SLC11A2: variants seen among roughly 807,000 people sequenced by gnomAD.
SLC11A2 encodes natural resistance-associated macrophage protein 2.
A neutral mutation model predicts 68.0 loss-of-function variants in SLC11A2; 38 were observed. The ratio of observed to expected loss-of-function variants is 0.56; its 90% CI spans 0.43 to 0.73. The LOEUF (loss-of-function observed/expected upper bound fraction) is 0.73, where lower values mean the gene tolerates loss of function less well. Ranked by LOEUF, SLC11A2 falls within the 30% of genes least tolerant of loss-of-function variation. The probability of loss-of-function intolerance (pLI) is 0.00; values close to 1 mark genes in which losing one functional copy is unlikely to be tolerated. For missense variants in SLC11A2, 517 were observed against 690.5 expected (o/e 0.75, Z 2.82); for synonymous variants, 242 against 250.6 (o/e 0.97, Z 0.32).
At position 50,992,713 on chromosome 12, in the gene SLC11A2, C is replaced by T. The variant is rs111707738; in HGVS notation, c.1197+97G>A. On this transcript the variant is annotated intron_variant, in intron 12 of 15. Transcript: ENST00000262052. Reference sequence around the variant, plus strand: ...TGCCATTACACTCCAACTTGGGCGACGAGTGAGACTCCATCTCAAAAAAAA... The same window carrying T: ...TGCCATTACACTCCAACTTGGGCGATGAGTGAGACTCCATCTCAAAAAAAA... The T allele has an allele frequency of 1.4e-3, 1,809 of 1,326,110 alleles. 19 individuals carry two copies. The African/African-American group carries it at 0.023, about 17-fold the overall frequency. The allele number at this position is 1,326,110 out of a possible 1,614,324, so 82.1% of individuals were successfully genotyped here. A position where few individuals can be genotyped will look rare whatever the true frequency, so the allele number is the denominator to read the frequency against.
At chr12:51,025,857 G>C in intron 1 of SLC11A2, 4 of 988,460 alleles carry the variant, frequency 4.0e-6, no homozygotes, top group Non-Finnish European at 4.8e-6. Flanking sequence ...TTTTGTTGAA[G>C]CGGGGCGGCG....
chr12:50,970,615 C>T, the SLC11A2 span: 2 of 667,882 alleles, frequency 3.0e-6, no homozygotes, highest in East Asian at 5.5e-5. Context: ...TCACAGAATG[C>T]TCATAGCCTT....
At chr12:51,017,012 C>CA (rs990581745) in intron 1 of SLC11A2, among the ~76,000 whole-genome samples, 55 of 148,834 alleles carry the variant, frequency 3.7e-4, no homozygotes, top group African/African-American at 1.2e-3. Flanking sequence ...GACCCTGTCT[C>CA]AAAAAAAAAG....
In SLC11A2 at chr12:50,991,591, A is replaced by C; in HGVS notation, c.1421+8T>G. 1 of 1,611,886 alleles carries C rather than the reference A, an allele frequency of 6.2e-7. No homozygotes were observed. The highest frequency in any genetic ancestry group is 8.5e-7 in the Non-Finnish European group (1 of 1,178,188). ...ATCCCCTTTGGGAACGAAGAGGAGT[A>C]CACTCACAGTCCATTGGCAAAGTCA... On this transcript the variant is annotated splice_region_variant and intron_variant, in intron 14 of 15. Coordinates refer to ENST00000262052, the MANE Select transcript of SLC11A2 (RefSeq NM_000617.3).
upstream of SLC11A2, chr12:51,028,070 A>G (rs868157481): frequency 1.6e-6 from 1 of 619,678 alleles, no homozygotes; most frequent in Middle Eastern, 3.7e-4. Flanking sequence ...CCAGATCGGA[A>G]CCTTTCCTTT....
chr12:50,985,179 T>C (rs908001286), downstream of SLC11A2, among the ~76,000 whole-genome samples: 1 of 152,114 alleles, frequency 6.6e-6, no homozygotes, highest in Non-Finnish European at 1.5e-5. Flanking sequence ...GCTGACAGAT[T>C]TAGATTCATT....
chr12:50,972,679 G>A, the SLC11A2 span, among the ~76,000 whole-genome samples: 103 of 152,370 alleles, frequency 6.8e-4, no homozygotes, highest in Non-Finnish European at 8.8e-4. Context: ...AGCATGAGCC[G>A]AAGCAGGGCG....
chr12:50,987,079 T>C lies in SLC11A2; in HGVS notation c.*1246A>G. Reference sequence around the variant, plus strand: ...ATCTCAGGCTCGGTATGTAAAAATGTCAGAAGTGGCTGAAGTAAAAGCAGC... The same window carrying C: ...ATCTCAGGCTCGGTATGTAAAAATGCCAGAAGTGGCTGAAGTAAAAGCAGC... On this transcript the variant is annotated 3_prime_UTR_variant, in exon 16 of 16. Transcript: ENST00000262052. 1.6e-6 allele frequency: 2 copies of C among 1,286,544 alleles called. No homozygotes were observed. The highest frequency in any genetic ancestry group is 2.0e-6 in the Non-Finnish European group (2 of 988,434). 79.7% of individuals were successfully genotyped at this position (1,286,544 alleles called of 1,614,324 possible).
chr12:50,992,938 G>A lies in SLC11A2; in HGVS notation c.1078-9C>T, dbSNP rs746410754. 6 of 1,613,724 alleles carry A rather than the reference G, an allele frequency of 3.7e-6. No homozygotes were observed. Among genetic ancestry groups the A allele is most frequent in the Non-Finnish European group, 5.1e-6 (6 of 1,179,918 alleles). ...CATCCCAGCACAACACCCTGTGAGA[G>A]GCCAAGAGGAAGGATATGATTGTGG... On this transcript the variant is annotated splice_polypyrimidine_tract_variant and intron_variant, in intron 11 of 15. Transcript: ENST00000262052.
In SLC11A2 at chr12:51,000,375, G is replaced by A. The variant is rs556588486; in HGVS notation, c.474C>T (p.Ile158=). 9.3e-6 allele frequency: 15 copies of A among 1,614,114 alleles called. No homozygotes were observed. The highest frequency in any genetic ancestry group is 4.4e-5 in the South Asian group (4 of 91,084). The stretch of plus-strand genomic sequence containing the variant: ...CAATGACTTCTTGCATGTCTGAGCC[G>A]ATGATAGCCAACTCCACCATCAGCC... ...ILWLMVELAI[I]GSDMQEVIGS... is the part of the protein sequence containing the mutation. The change falls in exon 6 of 16, where the codon ATC becomes ATT. Residue 158 remains isoleucine, a synonymous_variant. Coordinates refer to ENST00000262052, the MANE Select transcript of SLC11A2 (RefSeq NM_000617.3).
At chr12:50,981,888 C>A, downstream of SLC11A2, 1 of 686,712 alleles carries the variant, frequency 1.5e-6, no homozygotes, top group Non-Finnish European at 2.3e-6. Flanking sequence ...ATTAGCACAT[C>A]AATTTAGGCC....
chr12:51,002,532 G>A (rs997708421), intron 5 of SLC11A2, among the ~76,000 whole-genome samples: 12 of 149,376 alleles, frequency 8.0e-5, no homozygotes, highest in East Asian at 4.0e-4. Context: ...CCAGCTACTC[G>A]GGAAGCTGAG....
At chr12:50,997,353 T>G (rs960628916) in intron 8 of SLC11A2, among the ~76,000 whole-genome samples, 8 of 152,172 alleles carry the variant, frequency 5.3e-5, no homozygotes, top group African/African-American at 1.7e-4. Flanking sequence ...AGTATCCGGA[T>G]AGTTTACAAC....
the SLC11A2 span, among the ~76,000 whole-genome samples, chr12:50,967,259 T>C: frequency 6.6e-6 from 1 of 152,170 alleles, no homozygotes; most frequent in African/African-American, 2.4e-5. Flanking sequence ...TCCTCCTGCC[T>C]GCCTCATTCC....
the SLC11A2 span, among the ~76,000 whole-genome samples, chr12:50,958,489 G>T: frequency 6.6e-6 from 1 of 150,682 alleles, no homozygotes; most frequent in Non-Finnish European, 1.5e-5. Flanking sequence ...CTCTGTGTTA[G>T]CCAGGATGGT....
At position 50,986,115 on chromosome 12, in the gene SLC11A2, C is replaced by A. The variant is rs762552222; in HGVS notation, c.*2210G>T. On this transcript the variant is annotated 3_prime_UTR_variant, in exon 16 of 16. Coordinates refer to ENST00000262052, the MANE Select transcript of SLC11A2 (RefSeq NM_000617.3). Reference sequence around the variant, plus strand: ...AACCTCAAGGGAGCCAAGAGCTCTTCCCTTTTCCCCTGTTAATTTCCAGTA... The same window carrying A: ...AACCTCAAGGGAGCCAAGAGCTCTTACCTTTTCCCCTGTTAATTTCCAGTA... 2.0e-5 allele frequency: 26 copies of A among 1,286,468 alleles called. No individual in the cohort carries two copies. Among genetic ancestry groups the A allele is most frequent in the Non-Finnish European group, 2.6e-5 (26 of 988,078 alleles). The allele number at this position is 1,286,468 out of a possible 1,614,324, so 79.7% of individuals were successfully genotyped here. A position where few individuals can be genotyped will look rare whatever the true frequency, so the allele number is the denominator to read the frequency against.
intron 1 of SLC11A2, among the ~76,000 whole-genome samples, chr12:51,016,419 C>T (rs1017573265): frequency 7.9e-5 from 12 of 151,948 alleles, no homozygotes; most frequent in African/African-American, 2.9e-4. Context: ...TGCAGTGGCT[C>T]ACGCCTGTAA....
At chr12:50,957,515 T>A in the SLC11A2 span, among the ~76,000 whole-genome samples, 1 of 151,952 alleles carries the variant, frequency 6.6e-6, no homozygotes, top group African/African-American at 2.4e-5. Context: ...CATTTCTTCT[T>A]TTAATCGATC....
upstream of SLC11A2, chr12:51,026,484 A>G (rs906266233): frequency 4.8e-6 from 3 of 629,696 alleles, no homozygotes; most frequent in Admixed American, 3.1e-5. Flanking sequence ...TGGCCCGCAG[A>G]CCAGGGACCT....
Sources: gnomAD v4.1 joint callset for allele counts (sites outside exome capture counted in the v4.1 genomes callset) on GRCh38, gnomAD v4.1.1 for gene constraint, MANE v1.5 for transcripts, NCBI Gene and HGNC (gene_info 2026-07-23, HGNC 2026-07-21) for gene names.